The following CEP83 variants were observed in gnomAD, a reference collection of about 807,000 sequenced individuals.
CEP83 encodes the protein centrosomal protein 83, also known as centrosomal protein of 83 kDa.
In CEP83, 70 loss-of-function variants were observed where a neutral mutation model predicts 101.9. That is an observed-to-expected ratio of 0.69 (90% CI 0.57 to 0.84). The LOEUF is 0.84. CEP83 is among the 40% of genes least tolerant of loss of function. The pLI is 0.00. For missense variants in CEP83, 715 were observed against 787.2 expected, an observed-to-expected ratio of 0.91 and a Z score of 1.10; for synonymous variants, 264 against 267.9, an observed-to-expected ratio of 0.99 and a Z score of 0.14.
At chr12:94,427,528 T>C (rs1169319894) in intron 2 of CEP83, among the ~76,000 whole-genome samples, 1 of 152,226 alleles carries the variant, frequency 6.6e-6, no homozygotes, top group Non-Finnish European at 1.5e-5. Context: ...CATATGACAT[T>C]TTATTTTGCA....
At chr12:94,390,580 T>C (rs537832647) in intron 6 of CEP83, among the ~76,000 whole-genome samples, 2 of 152,312 alleles carry the variant, frequency 1.3e-5, no homozygotes, top group South Asian at 4.1e-4. Flanking sequence ...CTCCAAAGGA[T>C]GGCAGCTCCT....
chr12:94,295,499 C>A, the CEP83 span, among the ~76,000 whole-genome samples: 1 of 152,128 alleles, frequency 6.6e-6, no homozygotes, highest in African/African-American at 2.4e-5. Context: ...ATAGTAGAAT[C>A]TTAGGTTTGG....
chr12:94,279,145 C>CT, the CEP83 span, among the ~76,000 whole-genome samples: 5 of 152,116 alleles, frequency 3.3e-5, no homozygotes, highest in South Asian at 2.1e-4. Context: ...CCTTCCAATT[C>CT]TTTTTTTTCT....
chr12:94,450,744 A>C (rs984177601), intron 1 of CEP83, among the ~76,000 whole-genome samples: 1 of 152,230 alleles, frequency 6.6e-6, no homozygotes, highest in Non-Finnish European at 1.5e-5. Flanking sequence ...TTACATGTTC[A>C]TGGATTGGAA....
At chr12:94,274,260 C>T in the CEP83 span, among the ~76,000 whole-genome samples, 44 of 151,014 alleles carry the variant, frequency 2.9e-4, 1 homozygote, top group African/African-American at 1.0e-3. Context: ...ATTGCCTGAG[C>T]CTGGGAGGTC....
downstream of CEP83, chr12:94,303,742 T>C (rs1359771495): frequency 2.1e-6 from 3 of 1,396,198 alleles, no homozygotes; most frequent in South Asian, 1.7e-5. Flanking sequence ...CTTTTTTTTT[T>C]TTTTTTTCCC....
intron 6 of CEP83, among the ~76,000 whole-genome samples, chr12:94,391,093 C>G (rs1174319272): frequency 2.0e-5 from 3 of 152,122 alleles, no homozygotes; most frequent in Admixed American, 6.5e-5. Flanking sequence ...CTTAGCAAGG[C>G]AGGCCAACAT....
intron 4 of CEP83, among the ~76,000 whole-genome samples, chr12:94,410,199 T>C (rs748221566): frequency 4.6e-5 from 7 of 152,190 alleles, no homozygotes; most frequent in Non-Finnish European, 1.0e-4. Flanking sequence ...TCCTAAACAC[T>C]GAAGACACAC....
rs559030867 is a variant in CEP83 at position 94,375,983 on chromosome 12, C to T, written c.836G>A (p.Arg279His). 2.8e-5 allele frequency: 43 copies of T among 1,559,826 alleles called. 1 individual carries two copies. The African/African-American group carries it at 4.2e-4, about 15-fold the overall frequency. Reference protein sequence around the residue: ...EKQSANLRAERLEKELQSSSE... With the variant: ...EKQSANLRAEHLEKELQSSSE... ...GCTTGATTGTAGCTCTTTTTCCAAA[C>T]GTTCTGCCCGTAAATTAGCTGATTG... The change falls in exon 8 of 17, where the codon CGT (arginine) becomes CAT (histidine). Residue 279 changes from arginine to histidine, a missense_variant. Physicochemically the swap from Arg to His is conservative, Grantham distance 29. Coordinates refer to ENST00000397809, the MANE Select transcript of CEP83 (RefSeq NM_016122.3).
chr12:94,378,742 A>G (rs541662402), intron 7 of CEP83, 49 bp downstream of exon 7: 1 of 1,591,856 alleles, frequency 6.3e-7, no homozygotes, highest in South Asian at 1.1e-5. Context: ...TGTCAACTGC[A>G]CTTTAAAAAA....
intron 6 of CEP83, among the ~76,000 whole-genome samples, chr12:94,397,827 T>C (rs1260007835): frequency 2.6e-5 from 4 of 152,196 alleles, no homozygotes; most frequent in African/African-American, 9.7e-5. Flanking sequence ...TACATGCAAT[T>C]CCTTTAAGTC....
In CEP83 at chr12:94,452,680, A is replaced by G. The variant is rs538526440; in HGVS notation, c.-155+6877T>C. ...AATATCATCCATAGAGGAAGATATC[A>G]AAGAAAAGGCAGGAATTTTGGTGGA... On this transcript the variant is annotated intron_variant, in intron 1 of 16. Transcript: ENST00000397809. Among the ~76,000 whole-genome samples, 52 of 152,348 alleles carry G rather than the reference A, an allele frequency of 3.4e-4. 1 individual carries two copies. The South Asian group carries it at 0.011, about 31-fold the overall frequency.
At chr12:94,340,705 G>A (rs1183977402) in intron 11 of CEP83, among the ~76,000 whole-genome samples, 1 of 152,166 alleles carries the variant, frequency 6.6e-6, no homozygotes, top group East Asian at 1.9e-4. Flanking sequence ...CCAAAGTGCT[G>A]GGATCACAGG....
intron 2 of CEP83, chr12:94,434,150 T>C (rs893462375): frequency 3.3e-5 from 5 of 152,162 alleles, no homozygotes; most frequent in Non-Finnish European, 7.4e-5. Context: ...ATCATCTCTA[T>C]AGCAACACAC....
At chr12:94,326,440 C>T (rs1186557083) in intron 14 of CEP83, among the ~76,000 whole-genome samples, 3 of 152,168 alleles carry the variant, frequency 2.0e-5, no homozygotes, top group African/African-American at 7.2e-5. Flanking sequence ...GCAGTTGGGG[C>T]AGTCTTGTGG....
intron 6 of CEP83, 79 bp downstream of exon 6, chr12:94,400,771 G>T: frequency 1.2e-6 from 1 of 868,006 alleles, no homozygotes. Flanking sequence ...ACTCTAATTT[G>T]AAATTTTTAA....
intron 1 of CEP83, among the ~76,000 whole-genome samples, chr12:94,443,880 T>TC (rs1225246818): frequency 1.3e-5 from 2 of 152,202 alleles, no homozygotes; most frequent in Non-Finnish European, 2.9e-5. Context: ...TATAAATTCC[T>TC]CAAAGGAAAA....
At chr12:94,275,747 T>C in the CEP83 span, among the ~76,000 whole-genome samples, 21 of 121,532 alleles carry the variant, frequency 1.7e-4, 5 homozygotes, top group East Asian at 2.6e-3. Context: ...CCCAGCTACT[T>C]GGGAGGCTGA....
intron 13 of CEP83, 60 bp downstream of exon 13, chr12:94,333,422 A>AT (rs2059321581): frequency 7.0e-6 from 10 of 1,421,366 alleles, no homozygotes; most frequent in Non-Finnish European, 9.6e-6. Flanking sequence ...CATTACTAAA[A>AT]TAAGTACATG....
Sources: gnomAD v4.1 joint callset for allele counts (sites outside exome capture counted in the v4.1 genomes callset) on GRCh38, gnomAD v4.1.1 for gene constraint, MANE v1.5 for transcripts, NCBI Gene and HGNC (gene_info 2026-07-23, HGNC 2026-07-21) for gene names.